DAB1: variants seen among roughly 807,000 people sequenced by gnomAD.
DAB1 encodes the protein DAB adaptor protein 1.
A neutral mutation model predicts 64.6 loss-of-function variants in DAB1; 15 were observed. The observed-to-expected ratio is 0.23, with a 90% CI of 0.16 to 0.36. DAB1 has a LOEUF of 0.36. Among genes scored for constraint, DAB1 ranks in the 10% least tolerant of loss-of-function variants. DAB1 has a pLI of 1.00. For synonymous variants in DAB1, 235 were observed against 251.9 expected, an observed-to-expected ratio of 0.93 and a Z score of 0.64; for missense variants, 596 against 706.7, an observed-to-expected ratio of 0.84 and a Z score of 1.78.
chr1:57,244,855 C>T (rs887211872), intron 2 of DAB1, among the ~76,000 whole-genome samples: 2 of 152,198 alleles, frequency 1.3e-5, no homozygotes, highest in South Asian at 2.1e-4. Flanking sequence ...AATAAACTAA[C>T]GTAGCGTTCT....
chr1:57,706,033 GTTTATAC>G (rs10590038), intron 6 of DAB1, among the ~76,000 whole-genome samples: 5,179 of 150,618 alleles, frequency 0.034, 287 homozygotes, highest in African/African-American at 0.12. Flanking sequence ...ATTTTATAGT[GTTTATAC>G]TTTAAACTTT....
Position 57,321,046 on chromosome 1 carries a change from T to G in DAB1, c.-136-29880A>C, listed in dbSNP as rs143466604. Reference sequence around the variant, plus strand: ...AAAGTGCAACCAAATGCATTAATTTTACAGATGATGAAACGAAGGTATACA... The same window carrying G: ...AAAGTGCAACCAAATGCATTAATTTGACAGATGATGAAACGAAGGTATACA... On this transcript the variant is annotated intron_variant, in intron 1 of 14. Coordinates refer to ENST00000371236, the MANE Select transcript of DAB1 (RefSeq NM_001365792.1). 5.1e-3 allele frequency among the ~76,000 whole-genome samples: 777 copies of G among 152,288 alleles called. 4 individuals are homozygous for G. The highest frequency in any genetic ancestry group is 0.014 in the Middle Eastern group (4 of 294).
intron 5 of DAB1, among the ~76,000 whole-genome samples, chr1:57,894,157 T>C (rs924190934): frequency 6.6e-6 from 1 of 152,122 alleles, no homozygotes; most frequent in African/African-American, 2.4e-5. Context: ...ACCCCACATA[T>C]CTCCTTCAAG....
At chr1:58,257,016 T>C (rs1488405497) in intron 4 of DAB1, among the ~76,000 whole-genome samples, 2 of 152,250 alleles carry the variant, frequency 1.3e-5, no homozygotes, top group East Asian at 3.8e-4. Flanking sequence ...TGTCTTGTTT[T>C]CACAACTAGC....
At chr1:57,859,875 A>G (rs905046520) in intron 1 of DAB1, among the ~76,000 whole-genome samples, 7 of 152,234 alleles carry the variant, frequency 4.6e-5, no homozygotes, top group African/African-American at 1.4e-4. Flanking sequence ...CTACTATTAG[A>G]CAAAGACCTC....
chr1:58,489,023 G>A (rs1044349951), intron 3 of DAB1, among the ~76,000 whole-genome samples: 20 of 152,254 alleles, frequency 1.3e-4, no homozygotes, highest in African/African-American at 4.8e-4. Flanking sequence ...CAGCGACGCA[G>A]AAGACGAACG....
At chr1:57,239,746 G>A (rs1397498843) in intron 2 of DAB1, among the ~76,000 whole-genome samples, 1 of 151,658 alleles carries the variant, frequency 6.6e-6, no homozygotes, top group Non-Finnish European at 1.5e-5. Context: ...AATTAATTAG[G>A]TTCCTCTTTA....
At chr1:58,240,360 C>G (rs954564753) in intron 4 of DAB1, among the ~76,000 whole-genome samples, 3 of 152,104 alleles carry the variant, frequency 2.0e-5, no homozygotes, top group South Asian at 2.1e-4. Context: ...TTTTTGTCAT[C>G]CAGTTAGAAT....
intron 3 of DAB1, among the ~76,000 whole-genome samples, chr1:58,492,254 C>T (rs1645709166): frequency 6.6e-6 from 1 of 152,088 alleles, no homozygotes; most frequent in Non-Finnish European, 1.5e-5. Flanking sequence ...CTCTGAGACA[C>T]ATTCAAAGCA....
intron 2 of DAB1, among the ~76,000 whole-genome samples, chr1:57,270,628 G>A (rs1570116785): frequency 6.6e-6 from 1 of 152,186 alleles, no homozygotes; most frequent in East Asian, 1.9e-4. Context: ...TTCATTATTT[G>A]TCCATTCACT....
At chr1:58,158,002 G>A (rs1655309460) in intron 4 of DAB1, among the ~76,000 whole-genome samples, 1 of 152,126 alleles carries the variant, frequency 6.6e-6, no homozygotes, top group Non-Finnish European at 1.5e-5. Flanking sequence ...CCTGATTAAG[G>A]AAAGTTACTT....
At position 58,047,554 on chromosome 1, in the gene DAB1, A is replaced by G. The variant is rs375436317; in HGVS notation, n.387+102957T>C. Among the ~76,000 whole-genome samples the G allele has an allele frequency of 3.9e-5, 6 of 152,306 alleles. No individual in the cohort carries two copies. In the East Asian group the frequency reaches 9.6e-4, roughly 24 times the overall value. ...TTATCATAGCCCCTTCACTCCTCTC[A>G]TTGAAAGCATAGATACTAATTTTGA... On this transcript the variant is annotated intron_variant and non_coding_transcript_variant, in intron 5 of 20. Coordinates refer to the DAB1 transcript ENST00000485760.
chr1:58,355,533 G>A (rs1342190846), intron 3 of DAB1, among the ~76,000 whole-genome samples: 1 of 152,036 alleles, frequency 6.6e-6, no homozygotes, highest in East Asian at 1.9e-4. Flanking sequence ...TCACTTTCAC[G>A]AATAAAAATG....
At chr1:58,338,394 T>A (rs2100502477) in intron 4 of DAB1, among the ~76,000 whole-genome samples, 1 of 152,298 alleles carries the variant, frequency 6.6e-6, no homozygotes, top group South Asian at 2.1e-4. Flanking sequence ...CATTCCCTTC[T>A]CTTTTGCAGC....
At chr1:58,422,049 G>A (rs1002704913) in intron 3 of DAB1, among the ~76,000 whole-genome samples, 1 of 151,658 alleles carries the variant, frequency 6.6e-6, no homozygotes. Flanking sequence ...AGAATCCTCA[G>A]CCTACTTGCC....
intron 1 of DAB1, among the ~76,000 whole-genome samples, chr1:57,406,721 C>G (rs1046557590): frequency 3.3e-5 from 5 of 152,314 alleles, no homozygotes; most frequent in Admixed American, 2.0e-4. Context: ...CAAACACATG[C>G]CTTTCTGTCA....
intron 2 of DAB1, among the ~76,000 whole-genome samples, chr1:57,190,314 A>G (rs1465849880): frequency 6.6e-6 from 1 of 152,166 alleles, no homozygotes; most frequent in Non-Finnish European, 1.5e-5. Flanking sequence ...ATCAGCTGTA[A>G]CCAACATATG....
At chr1:58,056,357 G>A (rs748373137) in intron 5 of DAB1, 18 of 1,587,052 alleles carry the variant, frequency 1.1e-5, no homozygotes, top group African/African-American at 8.0e-5. Context: ...ACTATGTTTC[G>A]AATGACGAAT....
chr1:58,018,405 C>T (rs916292155), intron 5 of DAB1, among the ~76,000 whole-genome samples: 2 of 152,124 alleles, frequency 1.3e-5, no homozygotes, highest in Admixed American at 6.5e-5. Flanking sequence ...AATAACAAAC[C>T]CTACCTCCCT....
Sources: allele counts gnomAD v4.1 joint callset (sites outside exome capture counted in the v4.1 genomes callset), GRCh38; gene constraint gnomAD v4.1.1; transcripts MANE v1.5; gene names NCBI Gene and HGNC (gene_info 2026-07-23, HGNC 2026-07-21).